Variants in PID1 observed in about 807,000 individuals in gnomAD.
PID1 encodes PTB-containing, cubilin and LRP1-interacting protein.
PID1 carries 10 observed loss-of-function variants against 19.1 expected under a neutral mutation model. That is an observed-to-expected ratio of 0.52 (90% CI 0.32 to 0.89). The LOEUF is 0.89. Ranked by LOEUF, PID1 falls within the 40% of genes least tolerant of loss-of-function variation. The probability of loss-of-function intolerance (pLI) is 0.03; values close to 1 mark genes in which losing one functional copy is unlikely to be tolerated. For synonymous variants in PID1, 130 were observed against 116.0 expected (o/e 1.12, Z -0.78); for missense variants, 248 against 285.3 (o/e 0.87, Z 0.94).
rs1294859874 is a variant in PID1, at chr2:229,145,227, T to G, written c.177+10591A>C. On this transcript the variant is annotated intron_variant, in intron 2 of 2. Coordinates refer to ENST00000392055, the MANE Select transcript of PID1 (RefSeq NM_001100818.2). The stretch of plus-strand genomic sequence containing the variant: ...CATTTTAAAAGTTAACATCTTATAT[T>G]TAAGTATCATATTTGTATAAACCAG... Among the ~76,000 whole-genome samples the G allele has an allele frequency of 4.1e-5, 6 of 147,202 alleles. No homozygotes were observed. In the East Asian group the frequency reaches 9.9e-4, roughly 24 times the overall value.
At chr2:229,101,075 C>T (rs1301218952) in intron 2 of PID1, among the ~76,000 whole-genome samples, 2 of 152,168 alleles carry the variant, frequency 1.3e-5, no homozygotes, top group Non-Finnish European at 2.9e-5. Flanking sequence ...GGGCCCTCCT[C>T]CCTACAATGG....
At position 229,057,388 on chromosome 2, in the gene PID1, G is replaced by A. The variant is rs75183754; in HGVS notation, c.178-31280C>T. Among the ~76,000 whole-genome samples, 373 of 151,702 alleles carry A rather than the reference G, an allele frequency of 2.5e-3. 2 individuals are homozygous for A. The highest frequency in any genetic ancestry group is 8.6e-3 in the African/African-American group (356 of 41,322). On this transcript the variant is annotated intron_variant, in intron 2 of 2. Transcript: ENST00000392055. ...GGAGAGTCGCTTGAATCCAGGAGGC[G>A]GAGGTTGCAGTGGGCAGAGATCATG... is the stretch of plus-strand genomic sequence containing the variant.
rs75375643 is a variant in PID1 at position 229,028,678 on chromosome 2, C to T, written c.178-2570G>A. Among the ~76,000 whole-genome samples, 1,468 of 152,250 alleles carry T rather than the reference C, an allele frequency of 9.6e-3. 35 individuals carry two copies. The highest frequency in any genetic ancestry group is 0.033 in the African/African-American group (1,356 of 41,538). Reference sequence around the variant, plus strand: ...ACATATACACCATGTATAAATACTACGCAGCCATGAAAAGAACAAAATCAC... The same window carrying T: ...ACATATACACCATGTATAAATACTATGCAGCCATGAAAAGAACAAAATCAC... On this transcript the variant is annotated intron_variant, in intron 2 of 2. Coordinates refer to ENST00000392055, the MANE Select transcript of PID1 (RefSeq NM_001100818.2).
chr2:229,219,323 G>A (rs1691914386), intron 1 of PID1, among the ~76,000 whole-genome samples: 3 of 152,076 alleles, frequency 2.0e-5, no homozygotes, highest in Non-Finnish European at 4.4e-5. Context: ...TGGCAAAAGG[G>A]GCAGCAAACA....
intron 1 of PID1, among the ~76,000 whole-genome samples, chr2:229,212,945 C>T (rs1020231728): frequency 6.6e-6 from 1 of 152,072 alleles, no homozygotes; most frequent in African/African-American, 2.4e-5. Context: ...AAGCTAGTTC[C>T]TCAAACTTAC....
chr2:229,102,994 CA>C (rs771353906), intron 2 of PID1, among the ~76,000 whole-genome samples: 6 of 152,156 alleles, frequency 3.9e-5, no homozygotes, highest in Non-Finnish European at 7.3e-5. Context: ...CCCTGGGATT[CA>C]AATTTCAGAT....
intron 2 of PID1, among the ~76,000 whole-genome samples, chr2:229,132,870 A>T (rs1357776662): frequency 1.3e-5 from 2 of 152,254 alleles, no homozygotes; most frequent in Non-Finnish European, 2.9e-5. Flanking sequence ...GCGAAAGATG[A>T]GAGAATTCTA....
intron 1 of PID1, among the ~76,000 whole-genome samples, chr2:229,243,359 A>G (rs1689923123): frequency 6.6e-6 from 1 of 152,140 alleles, no homozygotes; most frequent in Admixed American, 6.5e-5. Context: ...AAACCATATC[A>G]ATCCTTAAAC....
intron 1 of PID1, among the ~76,000 whole-genome samples, chr2:229,166,843 C>T (rs1201958166): frequency 6.6e-6 from 1 of 152,106 alleles, no homozygotes; most frequent in East Asian, 1.9e-4. Flanking sequence ...CTGGGAATAA[C>T]CTGAAATAGC....
intron 2 of PID1, among the ~76,000 whole-genome samples, chr2:229,063,744 G>C (rs1397378708): frequency 1.3e-5 from 2 of 151,846 alleles, no homozygotes; most frequent in African/African-American, 4.8e-5. Flanking sequence ...TACTATTATT[G>C]TATTGCATTC....
intron 2 of PID1, among the ~76,000 whole-genome samples, chr2:229,095,202 A>G (rs1694951262): frequency 2.6e-5 from 4 of 152,180 alleles, no homozygotes; most frequent in Admixed American, 2.6e-4. Context: ...ATTTAGAAAG[A>G]TTAAGGTAAT....
chr2:229,081,869 C>T (rs1049511620), intron 2 of PID1, among the ~76,000 whole-genome samples: 3 of 152,168 alleles, frequency 2.0e-5, no homozygotes, highest in Non-Finnish European at 4.4e-5. Flanking sequence ...CAGGAAAGTA[C>T]CACAGAATTC....
At chr2:229,208,086 T>C (rs1389994245) in intron 1 of PID1, among the ~76,000 whole-genome samples, 1 of 152,178 alleles carries the variant, frequency 6.6e-6, no homozygotes, top group Non-Finnish European at 1.5e-5. Flanking sequence ...AATAATCAGT[T>C]TGCTTTTCCC....
At chr2:229,088,206 G>A (rs183207423) in intron 2 of PID1, among the ~76,000 whole-genome samples, 1 of 152,272 alleles carries the variant, frequency 6.6e-6, no homozygotes, top group East Asian at 1.9e-4. Context: ...CCTTATGAAC[G>A]GACAGGCACC....
chr2:229,223,804 G>C (rs1692021266), intron 1 of PID1, among the ~76,000 whole-genome samples: 1 of 152,170 alleles, frequency 6.6e-6, no homozygotes, highest in Non-Finnish European at 1.5e-5. Context: ...TTTAGATTCA[G>C]GGGATACCTA....
In PID1 at chr2:229,222,864, A is replaced by C. The variant is rs1051641944; in HGVS notation, c.30+48150T>G. On this transcript the variant is annotated intron_variant, in intron 1 of 2. Coordinates refer to ENST00000392055, the MANE Select transcript of PID1 (RefSeq NM_001100818.2). Reference sequence around the variant, plus strand: ...ATTTTAAAAAGTCTCTTCACACACAAACACACACACACACACACACACACA... The same window carrying C: ...ATTTTAAAAAGTCTCTTCACACACACACACACACACACACACACACACACA... 1.1e-3 allele frequency among the ~76,000 whole-genome samples: 110 copies of C among 103,928 alleles called. 2 individuals carry two copies. The highest frequency in any genetic ancestry group is 7.8e-4 in the Non-Finnish European group (39 of 50,282). The allele number at this position is 103,928 out of a possible 152,430, so 68.2% of individuals were successfully genotyped here. A position where few individuals can be genotyped will look rare whatever the true frequency, so the allele number is the denominator to read the frequency against.
chr2:229,113,922 T>C (rs1347795117), intron 2 of PID1, among the ~76,000 whole-genome samples: 1 of 152,118 alleles, frequency 6.6e-6, no homozygotes, highest in Non-Finnish European at 1.5e-5. Flanking sequence ...TCTACTTAAA[T>C]GAGTAGATTT....
intron 2 of PID1, among the ~76,000 whole-genome samples, chr2:229,142,606 C>T (rs1690038629): frequency 6.6e-6 from 1 of 152,160 alleles, no homozygotes; most frequent in Non-Finnish European, 1.5e-5. Context: ...TGCTCATCAT[C>T]ACTGGCCATC....
At chr2:229,148,299 C>A (rs916637814) in intron 2 of PID1, among the ~76,000 whole-genome samples, 3 of 152,166 alleles carry the variant, frequency 2.0e-5, no homozygotes, top group Admixed American at 6.5e-5. Flanking sequence ...GTATAATATC[C>A]TTCCGCGCTA....
Sources: gnomAD v4.1 joint callset for allele counts (sites outside exome capture counted in the v4.1 genomes callset) on GRCh38, gnomAD v4.1.1 for gene constraint, MANE v1.5 for transcripts, NCBI Gene and HGNC (gene_info 2026-07-23, HGNC 2026-07-21) for gene names.